C1QTNF3: variants seen among roughly 807,000 people sequenced by gnomAD.
C1QTNF3 encodes complement C1q tumor necrosis factor-related protein 3.
Under a neutral mutation model 32.6 loss-of-function variants are expected in C1QTNF3, and 26 were observed. That is an observed-to-expected ratio of 0.80 (90% CI 0.58 to 1.11). C1QTNF3 has a LOEUF of 1.11. C1QTNF3 is among the 50% of genes least tolerant of loss of function. The probability of loss-of-function intolerance (pLI) is 0.00; values close to 1 mark genes in which losing one functional copy is unlikely to be tolerated. For synonymous variants in C1QTNF3, 155 were observed against 146.0 expected (o/e 1.06, Z -0.44); for missense variants, 362 against 398.2 (o/e 0.91, Z 0.77).
chr5:34,044,791 T>C (rs1380960735), upstream of C1QTNF3, among the ~76,000 whole-genome samples: 1 of 152,212 alleles, frequency 6.6e-6, no homozygotes, highest in Non-Finnish European at 1.5e-5. Flanking sequence ...TTCAGCCATC[T>C]CTGTGCTACA....
At chr5:34,183,213 G>A in the C1QTNF3 span, among the ~76,000 whole-genome samples, 2 of 152,136 alleles carry the variant, frequency 1.3e-5, no homozygotes, top group East Asian at 1.9e-4. Context: ...TCCTGACCTC[G>A]TGATCCGCCT....
the C1QTNF3 span, among the ~76,000 whole-genome samples, chr5:34,088,418 A>T: frequency 8.5e-5 from 13 of 152,090 alleles, no homozygotes; most frequent in Non-Finnish European, 1.3e-4. Flanking sequence ...TGATATTATA[A>T]ACATCCTTTA....
At chr5:34,211,260 T>C in the C1QTNF3 span, among the ~76,000 whole-genome samples, 4 of 151,986 alleles carry the variant, frequency 2.6e-5, no homozygotes, top group Admixed American at 1.3e-4. Flanking sequence ...CTTAGTTTCA[T>C]TAATTTTTAC....
rs1754251770 is a variant in C1QTNF3, at chr5:34,018,616, T to C, written c.*1967A>G. Among the ~76,000 whole-genome samples, 1 of 152,250 alleles carries C rather than the reference T, an allele frequency of 6.6e-6. No individual in the cohort carries two copies. The highest frequency in any genetic ancestry group is 2.4e-5 in the African/African-American group (1 of 41,464). On this transcript the variant is annotated 3_prime_UTR_variant, in exon 6 of 6. Transcript: ENST00000382065. ...CATTTGCATATTCCATCCTCTGAATTATTTTTTTACATTTTAATTTTGACT... is the reference window on the plus strand; with the variant it reads ...CATTTGCATATTCCATCCTCTGAATCATTTTTTTACATTTTAATTTTGACT...
At chr5:34,065,867 G>T in the C1QTNF3 span, among the ~76,000 whole-genome samples, 1 of 152,108 alleles carries the variant, frequency 6.6e-6, no homozygotes, top group African/African-American at 2.4e-5. Flanking sequence ...ATACCAAAAA[G>T]ACATGTGGAC....
the C1QTNF3 span, among the ~76,000 whole-genome samples, chr5:34,174,214 C>T: frequency 1.3e-5 from 2 of 152,156 alleles, no homozygotes; most frequent in Non-Finnish European, 1.5e-5. Flanking sequence ...CTCACCACCA[C>T]GCAGGGATTC....
At chr5:34,220,038 A>G in the C1QTNF3 span, 1 of 152,128 alleles carries the variant, frequency 6.6e-6, no homozygotes. Flanking sequence ...TTGAAGGAGA[A>G]GGAGTGACAA....
chr5:34,052,656 A>G, the C1QTNF3 span, among the ~76,000 whole-genome samples: 1 of 152,236 alleles, frequency 6.6e-6, no homozygotes, highest in Admixed American at 6.5e-5. Flanking sequence ...TGAAGATTAA[A>G]AGAGACATTG....
the C1QTNF3 span, among the ~76,000 whole-genome samples, chr5:34,177,889 C>T: frequency 2.0e-5 from 3 of 151,998 alleles, no homozygotes; most frequent in African/African-American, 4.8e-5. Flanking sequence ...TCCCAAAGGG[C>T]TAGCATTCCA....
the C1QTNF3 span, among the ~76,000 whole-genome samples, chr5:34,084,549 T>G: frequency 6.6e-6 from 1 of 151,446 alleles, no homozygotes; most frequent in Non-Finnish European, 1.5e-5. Context: ...CGAAGCTTCT[T>G]AATTGCATTG....
chr5:34,094,540 AT>A, the C1QTNF3 span, among the ~76,000 whole-genome samples: 18 of 149,608 alleles, frequency 1.2e-4, no homozygotes, highest in African/African-American at 4.4e-4. Flanking sequence ...TGGGATTTCC[AT>A]TTTCCACTTT....
chr5:34,044,333 A>G (rs1380496558), upstream of C1QTNF3, among the ~76,000 whole-genome samples: 1 of 152,228 alleles, frequency 6.6e-6, no homozygotes, highest in Non-Finnish European at 1.5e-5. Flanking sequence ...CGCTTAAGAA[A>G]ATGTTACTGG....
At chr5:34,021,091 GGAAA>G (rs898705941) in intron 5 of C1QTNF3, among the ~76,000 whole-genome samples, 6 of 152,154 alleles carry the variant, frequency 3.9e-5, no homozygotes, top group African/African-American at 1.4e-4. Flanking sequence ...TTGATGAGAA[GGAAA>G]GAAAGTTATA....
chr5:34,033,026 G>A, intron 3 of C1QTNF3: 1 of 346,412 alleles, frequency 2.9e-6, no homozygotes, highest in Non-Finnish European at 5.2e-6. Context: ...GAAAATAGGA[G>A]ATAAGTTTAT....
In C1QTNF3 at chr5:34,028,590, G is replaced by GA. The variant is rs896302408; in HGVS notation, c.700+163dup. Among the ~76,000 whole-genome samples, 10 of 151,752 alleles carry GA rather than the reference G, an allele frequency of 6.6e-5. No individual in the cohort carries two copies. The South Asian group carries it at 1.2e-3, about 19-fold the overall frequency. On this transcript the variant is annotated intron_variant, in intron 4 of 5. Coordinates refer to ENST00000382065, the MANE Select transcript of C1QTNF3 (RefSeq NM_181435.6). ...GAGCTGTTTGGTTTAACGTGAATCAGAAAAAAAATAACTACCTTAATGTCA... is the reference window on the plus strand; with the variant it reads ...GAGCTGTTTGGTTTAACGTGAATCAGAAAAAAAAATAACTACCTTAATGTCA...
chr5:34,216,223 T>C, the C1QTNF3 span, among the ~76,000 whole-genome samples: 2 of 152,192 alleles, frequency 1.3e-5, no homozygotes, highest in Non-Finnish European at 2.9e-5. Context: ...CTTTAAAAAT[T>C]AGGAATATAT....
the C1QTNF3 span, among the ~76,000 whole-genome samples, chr5:34,072,840 C>A: frequency 3.9e-5 from 6 of 152,020 alleles, no homozygotes; most frequent in South Asian, 2.1e-4. Flanking sequence ...TGTCATAAAG[C>A]AAGTTATGAA....
chr5:34,062,705 C>A, the C1QTNF3 span, among the ~76,000 whole-genome samples: 3 of 152,214 alleles, frequency 2.0e-5, no homozygotes, highest in Admixed American at 2.0e-4. Flanking sequence ...GAGTTCCTCC[C>A]AGATCAGGTC....
At chr5:34,061,076 C>T in the C1QTNF3 span, among the ~76,000 whole-genome samples, 1 of 152,164 alleles carries the variant, frequency 6.6e-6, no homozygotes, top group African/African-American at 2.4e-5. Context: ...TAAATATAGC[C>T]ATTCCAAATG....
Sources: allele counts gnomAD v4.1 joint callset (sites outside exome capture counted in the v4.1 genomes callset), GRCh38; gene constraint gnomAD v4.1.1; transcripts MANE v1.5; gene names NCBI Gene and HGNC (gene_info 2026-07-23, HGNC 2026-07-21).